The following NBN variants were observed in gnomAD, a reference collection of about 807,000 sequenced individuals.
NBN encodes nibrin, also known as Nijmegen breakage syndrome 1 (nibrin).
In NBN, 88 loss-of-function variants were observed where a neutral mutation model predicts 90.8. The ratio of observed to expected loss-of-function variants is 0.97; its 90% CI spans 0.82 to 1.16. The LOEUF (loss-of-function observed/expected upper bound fraction) is 1.16. Ranked by LOEUF, NBN falls within the 50% of genes most tolerant of loss-of-function variation. The pLI, the probability that NBN is intolerant of heterozygous loss-of-function variation, is 0.00. For synonymous variants in NBN, 328 were observed against 295.1 expected, an observed-to-expected ratio of 1.11 and a Z score of -1.14; for missense variants, 894 against 869.6, an observed-to-expected ratio of 1.03 and a Z score of -0.35.
intron 5 of NBN, among the ~76,000 whole-genome samples, chr8:89,977,277 G>T (rs1246920946): frequency 6.6e-6 from 1 of 151,788 alleles, no homozygotes; most frequent in East Asian, 1.9e-4. Context: ...GTGGCCACGT[G>T]TTCTCATTGT....
rs1345924774 is a variant in NBN, at chr8:89,981,375, C to T, written c.320G>A (p.Arg107Lys). The change falls in exon 3 of 16, where the codon AGA (arginine) becomes AAA (lysine). Residue 107 changes from arginine (R) to lysine (K), a missense_variant and splice_region_variant. Physicochemically the swap from Arg to Lys is conservative, Grantham distance 26. Transcript: ENST00000265433. ...ITFGVFGSKF[R>K]IEYEPLVACS... is the part of the protein sequence containing the mutation. Reference sequence around the variant, plus strand: ...TAAAATCAATTTTAAAATGTCTTACCTGAATTTACTTCCAAACACTCCAAA... The same window carrying T: ...TAAAATCAATTTTAAAATGTCTTACTTGAATTTACTTCCAAACACTCCAAA... 2.5e-6 allele frequency: 4 copies of T among 1,613,602 alleles called. No homozygotes were observed. The highest frequency in any genetic ancestry group is 1.1e-5 in the South Asian group (1 of 91,066).
At chr8:89,938,573 G>T (rs1321262259) in intron 14 of NBN, among the ~76,000 whole-genome samples, 1 of 152,058 alleles carries the variant, frequency 6.6e-6, no homozygotes, top group East Asian at 1.9e-4. Flanking sequence ...CAGAGACTTA[G>T]GTTAGGTAAA....
At chr8:89,952,208 TTTTA>T (rs1359023612) in intron 11 of NBN, among the ~76,000 whole-genome samples, 1 of 152,218 alleles carries the variant, frequency 6.6e-6, no homozygotes, top group Non-Finnish European at 1.5e-5. Flanking sequence ...AAGCCACTGA[TTTTA>T]GAATTTTTAA....
At position 89,946,169 on chromosome 8, in the gene NBN, G is replaced by A. The variant is rs1554556485; in HGVS notation, c.2041C>T (p.Gln681Ter). The A allele has an allele frequency of 6.3e-7, 1 of 1,599,138 alleles. No individual in the cohort carries two copies. The highest frequency in any genetic ancestry group is 8.6e-7 in the Non-Finnish European group (1 of 1,167,324). Residue 681 changes from glutamine to a stop codon, truncating the protein, a stop_gained, in exon 13 of 16, where the codon CAA (glutamine) becomes TAA (stop). Coordinates refer to ENST00000265433, the MANE Select transcript of NBN (RefSeq NM_002485.5). LOFTEE classifies it high-confidence loss of function. ...NPSGINDDYG[Q>*]LKNFKKFKKV... The stretch of plus-strand genomic sequence containing the variant: ...TTGAATTTCTTGAAATTTTTTAGTT[G>A]ACCATAATCATCATTTATGCCAGAT...
intron 11 of NBN, among the ~76,000 whole-genome samples, chr8:89,951,914 G>C (rs931007439): frequency 6.6e-6 from 1 of 152,312 alleles, no homozygotes; most frequent in Non-Finnish European, 1.5e-5. Flanking sequence ...CTAGATTGAG[G>C]ATAGAGAGTG....
intron 14 of NBN, among the ~76,000 whole-genome samples, chr8:89,942,031 T>C (rs1809973434): frequency 6.6e-6 from 1 of 152,140 alleles, no homozygotes; most frequent in South Asian, 2.1e-4. Flanking sequence ...TATCTGCAAG[T>C]CATGAAAAAC....
intron 11 of NBN, among the ~76,000 whole-genome samples, chr8:89,948,135 A>C (rs997656224): frequency 6.6e-6 from 1 of 152,224 alleles, no homozygotes; most frequent in Non-Finnish European, 1.5e-5. Flanking sequence ...AAGCGATCTA[A>C]ATCCATATAA....
chr8:89,947,159 C>A (rs1028074540), intron 12 of NBN, among the ~76,000 whole-genome samples: 6 of 152,146 alleles, frequency 3.9e-5, no homozygotes, highest in Non-Finnish European at 7.4e-5. Context: ...TATTTCCCAT[C>A]CATTACTCTT....
chr8:89,980,046 T>C (rs991261015), intron 4 of NBN, among the ~76,000 whole-genome samples: 2 of 152,210 alleles, frequency 1.3e-5, no homozygotes, highest in Admixed American at 6.5e-5. Flanking sequence ...ATTAGTACTC[T>C]GGAGGCTAAT....
chr8:89,971,798 T>C (rs1272381811), intron 5 of NBN, among the ~76,000 whole-genome samples: 1 of 152,182 alleles, frequency 6.6e-6, no homozygotes, highest in Non-Finnish European at 1.5e-5. Context: ...TCAAATAAAA[T>C]TTCCAAAACA....
intron 15 of NBN, chr8:89,936,261 G>C (rs934978487): frequency 6.1e-5 from 13 of 212,586 alleles, no homozygotes; most frequent in African/African-American, 3.1e-4. Flanking sequence ...ATTTTTAGTA[G>C]AGACGGGGTT....
At chr8:89,965,504 T>C (rs897788173) in intron 7 of NBN, among the ~76,000 whole-genome samples, 3 of 151,982 alleles carry the variant, frequency 2.0e-5, no homozygotes, top group East Asian at 1.9e-4. Flanking sequence ...TTTTTTTTTT[T>C]CTGAGACAGA....
At position 89,984,592 on chromosome 8, in the gene NBN, TGCAACCGCGTAACCGGGGCTGCTAG is replaced by T. The variant is rs1563589177; in HGVS notation, c.-56_-32del. 1.2e-6 allele frequency: 2 copies of T among 1,611,782 alleles called. No individual in the cohort carries two copies. The highest frequency in any genetic ancestry group is 2.2e-5 in the South Asian group (2 of 90,854). The stretch of plus-strand genomic sequence containing the variant: ...CGGCTCCTCAGGGCTGGGGCCGACG[TGCAACCGCGTAACCGGGGCTGCTAG>T]ACGAGCGCGGATACGGCGCCTGCGG... On this transcript the variant is annotated 5_prime_UTR_variant, in exon 1 of 16. The change abolishes the stop of an existing upstream ORF in the 5' untranslated region. Coordinates refer to ENST00000265433, the MANE Select transcript of NBN (RefSeq NM_002485.5).
At chr8:89,946,436 T>A in intron 12 of NBN, 141 bp from the exon 13 acceptor site, 1 of 735,516 alleles carries the variant, frequency 1.4e-6, no homozygotes, top group Non-Finnish European at 2.3e-6. Context: ...CTGAACTTTG[T>A]ATTTGGAATC....
chr8:89,980,376 G>A (rs1251707946), intron 4 of NBN, among the ~76,000 whole-genome samples: 1 of 151,818 alleles, frequency 6.6e-6, no homozygotes, highest in Non-Finnish European at 1.5e-5. Flanking sequence ...AGAAAGACAT[G>A]AGATGCAAAC....
intron 1 of NBN, 93 bp downstream of exon 1, chr8:89,984,432 G>A (rs1812232341): frequency 8.2e-7 from 1 of 1,223,302 alleles, no homozygotes; most frequent in South Asian, 1.3e-5. Context: ...TCCCCGGGCA[G>A]GAACGGACGC....
At chr8:89,959,051 C>T (rs184103946) in intron 8 of NBN, among the ~76,000 whole-genome samples, 197 bp from the exon 9 acceptor site, 1 of 152,306 alleles carries the variant, frequency 6.6e-6, no homozygotes, top group East Asian at 1.9e-4. Flanking sequence ...ACGGGCTTAT[C>T]TAAACCAAAT....
chr8:89,966,141 A>G (rs1001857222), intron 7 of NBN, among the ~76,000 whole-genome samples: 11 of 152,250 alleles, frequency 7.2e-5, no homozygotes, highest in African/African-American at 2.7e-4. Flanking sequence ...CATTTATTTT[A>G]AAGTCAACAG....
Position 89,958,317 on chromosome 8 carries a change from C to A in NBN, c.1124+408G>T, listed in dbSNP as rs576543310. ...ATAAGGAACCCCTGGGCTATCTATACTATACAGTACGCTATACCATGTAGG... is the reference window on the plus strand; with the variant it reads ...ATAAGGAACCCCTGGGCTATCTATAATATACAGTACGCTATACCATGTAGG... On this transcript the variant is annotated intron_variant, in intron 9 of 15. Coordinates refer to ENST00000265433, the MANE Select transcript of NBN (RefSeq NM_002485.5). 1.4e-4 allele frequency among the ~76,000 whole-genome samples: 22 copies of A among 152,324 alleles called. No homozygotes were observed. The South Asian group carries it at 4.6e-3, about 32-fold the overall frequency.
Sources: gnomAD v4.1 joint callset for allele counts (sites outside exome capture counted in the v4.1 genomes callset) on GRCh38, gnomAD v4.1.1 for gene constraint, MANE v1.5 for transcripts, NCBI Gene and HGNC (gene_info 2026-07-23, HGNC 2026-07-21) for gene names.